Variants in KCNH5 observed in about 807,000 individuals in gnomAD.
KCNH5 encodes the protein potassium voltage-gated channel subfamily H member 5.
Under a neutral mutation model 96.1 loss-of-function variants are expected in KCNH5, and 46 were observed. The observed-to-expected ratio is 0.48, with a 90% confidence interval of 0.38 to 0.61. KCNH5 has a LOEUF of 0.61. Among genes scored for constraint, KCNH5 ranks in the 20% least tolerant of loss-of-function variants. The pLI, the probability that KCNH5 is intolerant of heterozygous loss-of-function variation, is 0.00. For synonymous variants in KCNH5, 439 were observed against 449.8 expected (o/e 0.98, Z 0.30); for missense variants, 907 against 1,225.8 (o/e 0.74, Z 3.88).
At chr14:63,037,311 C>T (rs1288726526) in intron 1 of KCNH5, among the ~76,000 whole-genome samples, 1 of 152,068 alleles carries the variant, frequency 6.6e-6, no homozygotes, top group Non-Finnish European at 1.5e-5. Context: ...ATGCACATGC[C>T]CTCCACAGAA....
intron 8 of KCNH5, among the ~76,000 whole-genome samples, chr14:62,846,040 C>T (rs2140041817): frequency 6.6e-6 from 1 of 152,190 alleles, no homozygotes; most frequent in South Asian, 2.1e-4. Context: ...ATTTACACAC[C>T]TCCCAGAATC....
chr14:62,902,747 C>T (rs7157510), intron 7 of KCNH5, among the ~76,000 whole-genome samples: 103,784 of 150,750 alleles, frequency 0.69, 36,517 homozygotes, highest in East Asian at 0.99. Flanking sequence ...GAGACAAGAG[C>T]CTCACTCTGT....
rs150295358 is a variant in KCNH5, at chr14:62,981,049, G to A, written c.765C>T (p.Asp255=). Residue 255 remains aspartate, a synonymous_variant, in exon 6 of 11, where the codon GAC becomes GAT. Transcript: ENST00000322893. The stretch of plus-strand genomic sequence containing the variant: ...AAACGATGTCAACCAGAAAAATAAC[G>A]TCCACCACACTATCCAGTACCAGCC... The part of the protein sequence containing the change: ...IAWLVLDSVV[D]VIFLVDIVLN... The A allele has an allele frequency of 4.6e-5, 75 of 1,614,080 alleles. No homozygotes were observed. The highest frequency in any genetic ancestry group is 7.7e-5 in the South Asian group (7 of 91,076).
intron 6 of KCNH5, 32 bp from the exon 7 acceptor site, chr14:62,950,591 AC>A (rs1889985073): frequency 6.8e-7 from 1 of 1,470,502 alleles, no homozygotes; most frequent in Non-Finnish European, 9.0e-7. Context: ...AAATTACACC[AC>A]ATTTTCAGGA....
At chr14:62,939,251 C>T (rs961099625) in intron 7 of KCNH5, among the ~76,000 whole-genome samples, 1 of 152,186 alleles carries the variant, frequency 6.6e-6, no homozygotes, top group South Asian at 2.1e-4. Context: ...CAGAGTCATG[C>T]TTCCATTCTA....
intron 9 of KCNH5, among the ~76,000 whole-genome samples, chr14:62,787,525 G>C (rs933815103): frequency 2.0e-5 from 3 of 152,192 alleles, no homozygotes; most frequent in Non-Finnish European, 4.4e-5. Flanking sequence ...ACTGATGAAG[G>C]TGACTAGACT....
intron 1 of KCNH5, among the ~76,000 whole-genome samples, chr14:63,028,046 T>G (rs1034795738): frequency 6.6e-6 from 1 of 152,116 alleles, no homozygotes; most frequent in African/African-American, 2.4e-5. Flanking sequence ...CATAGCCCAA[T>G]GAAGGGGTGT....
intron 10 of KCNH5, among the ~76,000 whole-genome samples, chr14:62,749,220 C>T (rs1223307910): frequency 3.3e-5 from 5 of 152,180 alleles, no homozygotes; most frequent in Non-Finnish European, 7.4e-5. Context: ...AATGCCAATC[C>T]ATATCTTTAG....
At chr14:62,719,655 T>C (rs989344558) in intron 10 of KCNH5, among the ~76,000 whole-genome samples, 1 of 152,206 alleles carries the variant, frequency 6.6e-6, no homozygotes, top group Non-Finnish European at 1.5e-5. Flanking sequence ...TTTCCCTTAC[T>C]TGAACAGTTT....
At chr14:62,722,333 A>G (rs1023080194) in intron 10 of KCNH5, among the ~76,000 whole-genome samples, 1 of 152,178 alleles carries the variant, frequency 6.6e-6, no homozygotes, top group African/African-American at 2.4e-5. Flanking sequence ...GGGGAGTTAT[A>G]CTAAATACTA....
At chr14:62,940,652 G>T (rs1309802447) in intron 7 of KCNH5, among the ~76,000 whole-genome samples, 2 of 152,160 alleles carry the variant, frequency 1.3e-5, no homozygotes, top group Non-Finnish European at 2.9e-5. Context: ...GCTATTTGAT[G>T]CCTACATTTT....
chr14:62,983,383 A>G (rs1245924035), intron 5 of KCNH5, among the ~76,000 whole-genome samples: 1 of 152,012 alleles, frequency 6.6e-6, no homozygotes, highest in East Asian at 1.9e-4. Flanking sequence ...GTCTCAAAAA[A>G]AAAAAAAAGT....
intron 9 of KCNH5, among the ~76,000 whole-genome samples, chr14:62,799,801 T>C (rs1886621838): frequency 7.2e-6 from 1 of 138,246 alleles, no homozygotes; most frequent in Admixed American, 7.7e-5. Context: ...ATATATTATA[T>C]ATTTAATATT....
At chr14:62,753,556 C>T (rs1312658891) in intron 10 of KCNH5, among the ~76,000 whole-genome samples, 2 of 151,992 alleles carry the variant, frequency 1.3e-5, no homozygotes, top group Admixed American at 1.3e-4. Context: ...ATCAAACTCC[C>T]ACAGGCCAAG....
Position 63,045,434 on chromosome 14 carries a change from G to C in KCNH5, c.-248C>G, listed in dbSNP as rs541691016. 3.8e-6 allele frequency: 2 copies of C among 529,698 alleles called. No homozygotes were observed. The highest frequency in any genetic ancestry group is 2.4e-5 in the South Asian group (1 of 41,792). The allele number at this position is 529,698 out of a possible 1,614,324, so 32.8% of individuals were successfully genotyped here. A position where few individuals can be genotyped will look rare whatever the true frequency, so the allele number is the denominator to read the frequency against. On this transcript the variant is annotated 5_prime_UTR_variant, in exon 1 of 11. Coordinates refer to ENST00000322893, the MANE Select transcript of KCNH5 (RefSeq NM_139318.5). The stretch of plus-strand genomic sequence containing the variant: ...CCGCCGCTGCCCAGACTGTGGCGGT[G>C]CCGCACACGGGGCTCGGGAACTGCA...
At chr14:63,031,908 A>G (rs1352092710) in intron 1 of KCNH5, among the ~76,000 whole-genome samples, 2 of 152,084 alleles carry the variant, frequency 1.3e-5, no homozygotes, top group African/African-American at 4.8e-5. Context: ...AAAAGGGTGG[A>G]ACAGCTTTTT....
At chr14:62,844,319 T>C (rs1460771572) in intron 8 of KCNH5, among the ~76,000 whole-genome samples, 1 of 152,234 alleles carries the variant, frequency 6.6e-6, no homozygotes, top group Non-Finnish European at 1.5e-5. Flanking sequence ...AAATCCAGTA[T>C]GATGGGAAAT....
chr14:62,809,793 C>G (rs563883688), intron 8 of KCNH5, among the ~76,000 whole-genome samples: 1 of 152,206 alleles, frequency 6.6e-6, no homozygotes, highest in South Asian at 2.1e-4. Flanking sequence ...AACTATGGTA[C>G]ACGTATTACT....
At chr14:62,789,692 C>A (rs543676492) in intron 9 of KCNH5, among the ~76,000 whole-genome samples, 2 of 151,766 alleles carry the variant, frequency 1.3e-5, no homozygotes, top group South Asian at 2.1e-4. Flanking sequence ...GATTTGAGCA[C>A]CTTTTCATAT....
Sources: allele counts gnomAD v4.1 joint callset (sites outside exome capture counted in the v4.1 genomes callset), GRCh38; gene constraint gnomAD v4.1.1; transcripts MANE v1.5; gene names NCBI Gene and HGNC (gene_info 2026-07-23, HGNC 2026-07-21).